The following CARMIL1 variants were observed in gnomAD, a reference collection of about 807,000 sequenced individuals.
CARMIL1 encodes capping protein regulator and myosin 1 linker 1.
CARMIL1 carries 90 observed loss-of-function variants against 177.1 expected under a neutral mutation model. The ratio of observed to expected loss-of-function variants is 0.51; its 90% confidence interval spans 0.43 to 0.61. The LOEUF (loss-of-function observed/expected upper bound fraction) is 0.61, where lower values mean the gene tolerates loss of function less well. Ranked by LOEUF, CARMIL1 falls within the 20% of genes least tolerant of loss-of-function variation. The probability of loss-of-function intolerance (pLI) is 0.00; values close to 1 mark genes in which losing one functional copy is unlikely to be tolerated. For synonymous variants in CARMIL1, 577 were observed against 606.2 expected (o/e 0.95, Z 0.71); for missense variants, 1,380 against 1,667.0 (o/e 0.83, Z 3.00).
intron 2 of CARMIL1, among the ~76,000 whole-genome samples, chr6:25,381,979 A>C (rs1249815292): frequency 6.6e-6 from 1 of 152,126 alleles, no homozygotes; most frequent in Non-Finnish European, 1.5e-5. Context: ...ACATTTGCCT[A>C]AACTCAAGTA....
chr6:25,477,141 A>G (rs1801654173), intron 11 of CARMIL1, among the ~76,000 whole-genome samples: 1 of 151,884 alleles, frequency 6.6e-6, no homozygotes, highest in Non-Finnish European at 1.5e-5. Flanking sequence ...CAAGGGAGAT[A>G]AGGTCTTAAC....
chr6:25,619,331 A>T, intron 36 of CARMIL1, 116 bp from the exon 37 acceptor site: 1 of 972,666 alleles, frequency 1.0e-6, no homozygotes, highest in Non-Finnish European at 1.5e-6. Context: ...GAGAAAGTTC[A>T]CCCTGGCCCC....
At position 25,472,459 on chromosome 6, in the gene CARMIL1, C is replaced by T. The variant is rs557774736; in HGVS notation, c.812C>T (p.Ala271Val). 3 of 1,582,008 alleles carry T rather than the reference C, an allele frequency of 1.9e-6. No individual in the cohort carries two copies. The African/African-American group carries it at 4.0e-5, about 21-fold the overall frequency. The change falls in exon 11 of 37, where the codon GCA becomes GTA. Residue 271 changes from alanine (A) to valine (V), a missense_variant. By Grantham distance (64) the Ala-to-Val change is moderately conservative (BLOSUM62 0). Transcript: ENST00000329474. ...GCACAAAAACTGGCCAGTGCTCTAGCACATAATCCCAACTCAGGACTCCAC... is the reference window on the plus strand; with the variant it reads ...GCACAAAAACTGGCCAGTGCTCTAGTACATAATCCCAACTCAGGACTCCAC... ...DFAQKLASALAHNPNSGLHTI... is the reference protein window; with the variant it reads ...DFAQKLASALVHNPNSGLHTI...
At chr6:25,585,817 T>G (rs1292027203) in intron 31 of CARMIL1, among the ~76,000 whole-genome samples, 1 of 152,126 alleles carries the variant, frequency 6.6e-6, no homozygotes, top group Non-Finnish European at 1.5e-5. Flanking sequence ...TTAATCCATT[T>G]AACCCTGAGT....
chr6:25,467,179 G>A (rs1800678952), intron 9 of CARMIL1, among the ~76,000 whole-genome samples: 1 of 152,242 alleles, frequency 6.6e-6, no homozygotes, highest in Non-Finnish European at 1.5e-5. Context: ...TCTGAGAAGT[G>A]ATGATGGAGT....
At chr6:25,462,728 T>C (rs1275184990) in intron 8 of CARMIL1, among the ~76,000 whole-genome samples, 1 of 152,254 alleles carries the variant, frequency 6.6e-6, no homozygotes. Flanking sequence ...TGCTGTGCTC[T>C]TAGGGCTTTT....
At chr6:25,516,710 A>G (rs1806040079) in intron 21 of CARMIL1, among the ~76,000 whole-genome samples, 4 of 152,256 alleles carry the variant, frequency 2.6e-5, no homozygotes, top group Admixed American at 2.6e-4. Flanking sequence ...TGAAGTATAC[A>G]CATTCTGAAG....
At chr6:25,408,365 A>G (rs936807792) in intron 2 of CARMIL1, among the ~76,000 whole-genome samples, 1 of 151,728 alleles carries the variant, frequency 6.6e-6, no homozygotes, top group Non-Finnish European at 1.5e-5. Context: ...TTGACATGGT[A>G]TAATCTCAAG....
intron 29 of CARMIL1, among the ~76,000 whole-genome samples, chr6:25,565,924 A>T (rs774231416): frequency 3.9e-5 from 6 of 152,204 alleles, no homozygotes; most frequent in Non-Finnish European, 8.8e-5. Flanking sequence ...GCTGTTCAAA[A>T]AGTATCTCAT....
chr6:25,473,754 G>A (rs756371241), intron 11 of CARMIL1, among the ~76,000 whole-genome samples: 1 of 152,176 alleles, frequency 6.6e-6, no homozygotes, highest in African/African-American at 2.4e-5. Flanking sequence ...TGCACAGGGC[G>A]TATACACCCG....
intron 24 of CARMIL1, among the ~76,000 whole-genome samples, chr6:25,537,457 G>T (rs1808415544): frequency 6.6e-6 from 1 of 152,086 alleles, no homozygotes; most frequent in African/African-American, 2.4e-5. Flanking sequence ...TGTTTCCTCA[G>T]TACCTAACTC....
At chr6:25,351,352 A>C (rs1788086172) in intron 2 of CARMIL1, among the ~76,000 whole-genome samples, 1 of 152,356 alleles carries the variant, frequency 6.6e-6, no homozygotes, top group East Asian at 1.9e-4. Flanking sequence ...ATGTGGCTAC[A>C]AGAAAATTTA....
intron 29 of CARMIL1, among the ~76,000 whole-genome samples, chr6:25,572,269 A>G (rs2151221803): frequency 6.6e-6 from 1 of 152,340 alleles, no homozygotes; most frequent in South Asian, 2.1e-4. Flanking sequence ...TGCTGAATCT[A>G]AGTGAAGAGT....
intron 21 of CARMIL1, among the ~76,000 whole-genome samples, chr6:25,516,398 G>T (rs1230696600): frequency 6.6e-6 from 1 of 152,180 alleles, no homozygotes; most frequent in Non-Finnish European, 1.5e-5. Context: ...CTGTCACCTT[G>T]TTGCCATCCA....
intron 8 of CARMIL1, among the ~76,000 whole-genome samples, chr6:25,455,859 C>T (rs1799470082): frequency 1.3e-5 from 2 of 152,184 alleles, no homozygotes; most frequent in Non-Finnish European, 2.9e-5. Flanking sequence ...TGGCAGCTTG[C>T]TCATCTGAAG....
chr6:25,473,464 T>C (rs962674698), intron 11 of CARMIL1, among the ~76,000 whole-genome samples: 3 of 152,190 alleles, frequency 2.0e-5, no homozygotes, highest in African/African-American at 7.2e-5. Flanking sequence ...TTGTATTCTT[T>C]AAGCTAAATA....
At chr6:25,574,357 T>C (rs778503508) in intron 29 of CARMIL1, among the ~76,000 whole-genome samples, 32 of 152,226 alleles carry the variant, frequency 2.1e-4, no homozygotes, top group Admixed American at 6.5e-5. Context: ...TGTTAGAATC[T>C]TTGTTTTGCC....
intron 36 of CARMIL1, chr6:25,612,955 G>A (rs1816619148): frequency 1.1e-6 from 1 of 906,912 alleles, no homozygotes; most frequent in Middle Eastern, 5.6e-4. Flanking sequence ...AAAACAAACT[G>A]TAATTGAGTG....
chr6:25,564,699 C>T (rs370399669), intron 29 of CARMIL1, among the ~76,000 whole-genome samples: 1 of 152,098 alleles, frequency 6.6e-6, no homozygotes, highest in East Asian at 1.9e-4. Flanking sequence ...AAAAAGTGTG[C>T]AGTACCTGAA....
Sources: gnomAD v4.1 joint callset for allele counts (sites outside exome capture counted in the v4.1 genomes callset) on GRCh38, gnomAD v4.1.1 for gene constraint, MANE v1.5 for transcripts, NCBI Gene and HGNC (gene_info 2026-07-23, HGNC 2026-07-21) for gene names.